Variants in PLXNA4 observed in about 807,000 individuals in gnomAD.
PLXNA4 encodes the protein plexin-A4.
Under a neutral mutation model 191.8 loss-of-function variants are expected in PLXNA4, and 44 were observed. The observed-to-expected ratio is 0.23, with a 90% CI of 0.18 to 0.29. PLXNA4 has a LOEUF of 0.29. Ranked by LOEUF, PLXNA4 falls within the 10% of genes least tolerant of loss-of-function variation. The pLI is 1.00. For synonymous variants in PLXNA4, 1,082 were observed against 1,009.5 expected (o/e 1.07, Z -1.36); for missense variants, 1,800 against 2,488.8 (o/e 0.72, Z 5.89).
intron 4 of PLXNA4, among the ~76,000 whole-genome samples, chr7:132,262,339 T>A (rs11765810): frequency 0.32 from 48,514 of 152,064 alleles, 7,914 homozygotes; most frequent in Admixed American, 0.42. Flanking sequence ...GTCATTAGGC[T>A]GTGGATTATT....
At chr7:132,357,851 C>A (rs1803774619) in intron 3 of PLXNA4, among the ~76,000 whole-genome samples, 1 of 152,190 alleles carries the variant, frequency 6.6e-6, no homozygotes, top group South Asian at 2.1e-4. Context: ...TCTTAGAACT[C>A]CACAGGCAAC....
At position 132,334,636 on chromosome 7, in the gene PLXNA4, A is replaced by C. The variant is rs191531289; in HGVS notation, c.1372-36414T>G. Among the ~76,000 whole-genome samples the C allele has an allele frequency of 4.8e-3, 725 of 152,310 alleles. 1 individual carries two copies. Among genetic ancestry groups the C allele is most frequent in the Non-Finnish European group, 7.1e-3 (483 of 68,028 alleles). Reference sequence around the variant, plus strand: ...GCAAACAATGAGGAAGTCACAATTCAGGGCCTGCAAATGATATCTGGGCCA... The same window carrying C: ...GCAAACAATGAGGAAGTCACAATTCCGGGCCTGCAAATGATATCTGGGCCA... On this transcript the variant is annotated intron_variant, in intron 3 of 31. Coordinates refer to ENST00000321063, the MANE Select transcript of PLXNA4 (RefSeq NM_020911.2).
At chr7:132,545,665 G>A (rs988932857) in intron 1 of PLXNA4, among the ~76,000 whole-genome samples, 1 of 152,034 alleles carries the variant, frequency 6.6e-6, no homozygotes, top group Non-Finnish European at 1.5e-5. Context: ...AAGCAAAACA[G>A]TGAGTGGATG....
At chr7:132,424,308 G>A (rs557369613) in intron 3 of PLXNA4, among the ~76,000 whole-genome samples, 2 of 152,318 alleles carry the variant, frequency 1.3e-5, no homozygotes, top group South Asian at 2.1e-4. Context: ...TTGGAAAAGA[G>A]GCAGATCTAG....
intron 3 of PLXNA4, among the ~76,000 whole-genome samples, chr7:132,412,766 C>G (rs1243147304): frequency 6.6e-6 from 1 of 152,110 alleles, no homozygotes; most frequent in East Asian, 1.9e-4. Context: ...AGACACAATT[C>G]TTGTAGGTGT....
chr7:132,283,594 C>G (rs1800569225), intron 4 of PLXNA4, among the ~76,000 whole-genome samples: 2 of 93,720 alleles, frequency 2.1e-5, no homozygotes, highest in Admixed American at 2.2e-4. Flanking sequence ...CATGACAGAA[C>G]AGCACACACA....
intron 4 of PLXNA4, among the ~76,000 whole-genome samples, chr7:132,252,501 A>T (rs1190132325): frequency 6.6e-6 from 1 of 151,774 alleles, no homozygotes; most frequent in Admixed American, 6.6e-5. Context: ...TAATAGAGAC[A>T]GGGTTTCACC....
intron 1 of PLXNA4, among the ~76,000 whole-genome samples, chr7:132,561,863 CTCT>C (rs1801132874): frequency 7.0e-6 from 1 of 142,774 alleles, no homozygotes. Flanking sequence ...CCTTATCCTC[CTCT>C]TTCTCCTCCT....
At chr7:132,446,477 A>G (rs1210254704) in intron 3 of PLXNA4, among the ~76,000 whole-genome samples, 3 of 152,230 alleles carry the variant, frequency 2.0e-5, no homozygotes, top group Admixed American at 6.5e-5. Context: ...AGCCCAGAGA[A>G]GAAACCTGGT....
Position 132,174,834 on chromosome 7 carries a change from T to C in PLXNA4, c.3961A>G (p.Thr1321Ala). The change falls in exon 21 of 32, where the codon ACC (threonine) becomes GCC (alanine). Residue 1321 changes from threonine to alanine, a missense_variant. Physicochemically the swap from Thr to Ala is moderately conservative, Grantham distance 58 (BLOSUM62 0). Around this residue, in one of 6 missense-constraint regions of PLXNA4, gnomAD observed 1,397 missense variants for 1,880.4 expected, o/e 0.74. Transcript: ENST00000321063. ...ATTCCTGGGAACAGCACCCGCATGGTGTAAGTTCTATAGTCCAGGAACGGA... is the reference window on the plus strand; with the variant it reads ...ATTCCTGGGAACAGCACCCGCATGGCGTAAGTTCTATAGTCCAGGAACGGA... ...GIPFLDYRTY[T>A]MRVLFPGIED... 1 of 1,614,070 alleles carries C rather than the reference T, an allele frequency of 6.2e-7. No homozygotes were observed. Among genetic ancestry groups the C allele is most frequent in the Non-Finnish European group, 8.5e-7 (1 of 1,180,008 alleles).
intron 1 of PLXNA4, among the ~76,000 whole-genome samples, chr7:132,549,888 C>A (rs1800481891): frequency 2.6e-5 from 4 of 152,054 alleles, no homozygotes; most frequent in Admixed American, 2.0e-4. Context: ...TAATTCAAAC[C>A]ACAGTTTGAA....
rs562154300 is a variant in PLXNA4, at chr7:132,205,282, CG to C, written c.2299-1864del. Among the ~76,000 whole-genome samples the C allele has an allele frequency of 2.1e-3, 323 of 152,206 alleles. 2 individuals are homozygous for C. The highest frequency in any genetic ancestry group is 7.0e-3 in the African/African-American group (289 of 41,534). ...TATGGATTCCTTCAGCAGAATCACC[CG>C]GGGGGCCTACTAAAATGCAGATTCC... On this transcript the variant is annotated intron_variant, in intron 10 of 31. Coordinates refer to ENST00000321063, the MANE Select transcript of PLXNA4 (RefSeq NM_020911.2).
intron 2 of PLXNA4, among the ~76,000 whole-genome samples, chr7:132,497,480 C>T (rs1425441287): frequency 2.0e-5 from 3 of 152,188 alleles, no homozygotes; most frequent in Admixed American, 1.3e-4. Context: ...GTAGAAATAT[C>T]TCTGGGAGTC....
chr7:132,392,190 T>G (rs766397960), intron 3 of PLXNA4, among the ~76,000 whole-genome samples: 1 of 152,030 alleles, frequency 6.6e-6, no homozygotes. Flanking sequence ...GAATTACTCA[T>G]TGATATTTCT....
chr7:132,332,344 G>T (rs1013983722), intron 3 of PLXNA4, among the ~76,000 whole-genome samples: 3 of 152,158 alleles, frequency 2.0e-5, no homozygotes, highest in African/African-American at 7.2e-5. Flanking sequence ...CTCCCCCACT[G>T]TCCTTTTGTG....
chr7:132,128,009 AT>A lies in PLXNA4; in HGVS notation c.*2469del. The A allele has an allele frequency of 6.8e-6, 1 of 147,878 alleles. No homozygotes were observed. The highest frequency in any genetic ancestry group is 2.5e-5 in the African/African-American group (1 of 40,384). 9.2% of individuals were successfully genotyped at this position (147,878 alleles called of 1,614,324 possible). On this transcript the variant is annotated 3_prime_UTR_variant, in exon 32 of 32. Coordinates refer to ENST00000321063, the MANE Select transcript of PLXNA4 (RefSeq NM_020911.2). Reference sequence around the variant, plus strand: ...AACTGTGCAAAAAAAAAAAAAAAAAATCAAAATGCACTCACTCATACACACG... The same window carrying A: ...AACTGTGCAAAAAAAAAAAAAAAAAACAAAATGCACTCACTCATACACACG...
intron 1 of PLXNA4, among the ~76,000 whole-genome samples, chr7:132,562,380 T>C (rs1466800567): frequency 3.3e-4 from 21 of 63,390 alleles, no homozygotes; most frequent in East Asian, 4.7e-4. Flanking sequence ...TCCTCCTCCT[T>C]CTCCTCCTCC....
intron 3 of PLXNA4, among the ~76,000 whole-genome samples, chr7:132,427,343 G>A (rs551290308): frequency 6.8e-4 from 104 of 152,314 alleles, no homozygotes; most frequent in Middle Eastern, 6.8e-3. Context: ...GGGAGCTGGG[G>A]TGCCCCAAGT....
chr7:132,559,007 C>T (rs867965361), intron 1 of PLXNA4, among the ~76,000 whole-genome samples: 4 of 152,256 alleles, frequency 2.6e-5, no homozygotes, highest in Middle Eastern at 3.4e-3. Context: ...AGGACACCCC[C>T]GGTGGCGTCA....
Sources: gnomAD v4.1 joint callset for allele counts (sites outside exome capture counted in the v4.1 genomes callset) on GRCh38, gnomAD v4.1.1 for gene constraint, gnomAD v4.1.1 regional missense constraint, MANE v1.5 for transcripts, NCBI Gene and HGNC (gene_info 2026-07-23, HGNC 2026-07-21) for gene names.